The following CEP112 variants were observed in gnomAD, a reference collection of about 807,000 sequenced individuals.
CEP112 encodes centrosomal protein of 112 kDa.
Under a neutral mutation model 153.0 loss-of-function variants are expected in CEP112, and 127 were observed. The observed-to-expected ratio is 0.83, with a 90% CI of 0.72 to 0.96. CEP112 has a LOEUF of 0.96. Ranked by LOEUF, CEP112 falls within the 40% of genes least tolerant of loss-of-function variation. The pLI, the probability that CEP112 is intolerant of heterozygous loss-of-function variation, is 0.00. For missense variants in CEP112, 1,089 were observed against 1,101.2 expected (o/e 0.99, Z 0.16); for synonymous variants, 358 against 374.4 (o/e 0.96, Z 0.51).
rs116950656 is a variant in CEP112 at position 66,009,143 on chromosome 17, T to C, written c.1657-3374A>G. Among the ~76,000 whole-genome samples the C allele has an allele frequency of 2.5e-3, 378 of 152,034 alleles. 2 individuals carry two copies. The highest frequency in any genetic ancestry group is 6.2e-3 in the South Asian group (30 of 4,814). ...TAATGACATTCCCACCAACAGAGTA[T>C]AGACGCTCTCTTTCTTCCACATCCT... On this transcript the variant is annotated intron_variant, in intron 16 of 26. Coordinates refer to ENST00000535342, the MANE Select transcript of CEP112 (RefSeq NM_001199165.4).
chr17:65,733,866 G>A (rs572394866), intron 23 of CEP112, among the ~76,000 whole-genome samples: 2 of 152,274 alleles, frequency 1.3e-5, no homozygotes, highest in South Asian at 4.2e-4. Context: ...GGTCCACAAT[G>A]TTCTATCTGC....
chr17:66,044,478 C>T (rs2066116652), intron 12 of CEP112, among the ~76,000 whole-genome samples: 1 of 152,216 alleles, frequency 6.6e-6, no homozygotes, highest in East Asian at 1.9e-4. Flanking sequence ...AACTGTCCAT[C>T]TGCCAATGAA....
intron 23 of CEP112, among the ~76,000 whole-genome samples, chr17:65,690,623 C>T (rs1330437094): frequency 6.6e-6 from 1 of 151,896 alleles, no homozygotes; most frequent in African/African-American, 2.4e-5. Flanking sequence ...CAAGAAGGCC[C>T]AGCTGGGCGA....
Position 65,902,328 on chromosome 17 carries a change from C to T in CEP112, c.1987G>A (p.Glu663Lys), listed in dbSNP as rs1302923727. ...TCCTGTTCATGCTCCAGCTTCAGCTCTACTATCTGATTGGACAATGAGGAG... is the reference window on the plus strand; with the variant it reads ...TCCTGTTCATGCTCCAGCTTCAGCTTTACTATCTGATTGGACAATGAGGAG... ...IRQRYEQQIV[E>K]LKLEHEQEKT... The change falls in exon 20 of 27, where the codon GAG (glutamate) becomes AAG (lysine). Residue 663 changes from glutamate to lysine, a missense_variant. Transcript: ENST00000535342. The T allele has an allele frequency of 6.2e-7, 1 of 1,612,400 alleles. No homozygotes were observed. The highest frequency in any genetic ancestry group is 8.5e-7 in the Non-Finnish European group (1 of 1,179,428).
At chr17:65,970,760 T>C (rs966495901) in intron 17 of CEP112, among the ~76,000 whole-genome samples, 45 of 151,018 alleles carry the variant, frequency 3.0e-4, no homozygotes, top group African/African-American at 9.9e-4. Flanking sequence ...ACATTACAGG[T>C]ATGTTACATG....
chr17:66,149,868 GTTTTTTT>G (rs1198335741), intron 4 of CEP112, among the ~76,000 whole-genome samples: 2,426 of 78,586 alleles, frequency 0.031, 116 homozygotes, highest in East Asian at 0.042. Flanking sequence ...TAAATTTAGG[GTTTTTTT>G]TTTTGTTTGT....
At chr17:65,941,554 G>A (rs1053577366) in intron 18 of CEP112, 1 of 152,118 alleles carries the variant, frequency 6.6e-6, no homozygotes, top group African/African-American at 2.4e-5. Flanking sequence ...GTTCTCAGTT[G>A]CCATAGATAC....
chr17:65,898,845 A>G (rs555357006), intron 20 of CEP112, among the ~76,000 whole-genome samples: 10 of 152,260 alleles, frequency 6.6e-5, no homozygotes, highest in African/African-American at 2.2e-4. Context: ...GGGGAGAATC[A>G]CAAAGGTTCT....
chr17:65,671,217 T>C lies in CEP112; in HGVS notation c.2697+17912A>G, dbSNP rs1332777398. On this transcript the variant is annotated intron_variant, in intron 24 of 26. Transcript: ENST00000535342. ...CTGGGGGTCAGGAATCTGAAGGTCA[T>C]ACCACAGGGTGACATCACAGAAAAG... 5.9e-5 allele frequency among the ~76,000 whole-genome samples: 9 copies of C among 152,170 alleles called. No individual in the cohort carries two copies. In the East Asian group the frequency reaches 1.5e-3, roughly 26 times the overall value.
intron 6 of CEP112, among the ~76,000 whole-genome samples, chr17:66,108,434 G>C (rs749607705): frequency 2.0e-5 from 3 of 151,948 alleles, no homozygotes; most frequent in Non-Finnish European, 4.4e-5. Context: ...CCAATAATCC[G>C]ACTTGAAAAT....
At chr17:66,078,434 T>G (rs906743946) in intron 8 of CEP112, among the ~76,000 whole-genome samples, 2 of 152,012 alleles carry the variant, frequency 1.3e-5, no homozygotes, top group African/African-American at 4.8e-5. Context: ...ATTTTTGTAT[T>G]TTTAGTAGAG....
intron 3 of CEP112, among the ~76,000 whole-genome samples, chr17:66,176,248 C>T (rs1029620346): frequency 5.9e-5 from 9 of 152,270 alleles, no homozygotes; most frequent in Non-Finnish European, 1.2e-4. Flanking sequence ...TAAGTACAGG[C>T]ACTCAAATAC....
chr17:66,178,149 C>T (rs1165538871), intron 2 of CEP112, among the ~76,000 whole-genome samples: 1 of 152,142 alleles, frequency 6.6e-6, no homozygotes, highest in Non-Finnish European at 1.5e-5. Context: ...AACTCTTCTC[C>T]GTAGTCACTC....
At chr17:65,770,603 C>A (rs934563240) in intron 21 of CEP112, among the ~76,000 whole-genome samples, 3 of 151,908 alleles carry the variant, frequency 2.0e-5, no homozygotes, top group African/African-American at 7.3e-5. Flanking sequence ...TTTATTCTCA[C>A]GTTAAAATTT....
At chr17:65,807,508 C>T (rs2055680099) in intron 21 of CEP112, among the ~76,000 whole-genome samples, 1 of 152,116 alleles carries the variant, frequency 6.6e-6, no homozygotes, top group Non-Finnish European at 1.5e-5. Flanking sequence ...TGTTAAAGAC[C>T]TTTGTGGCAG....
chr17:66,184,706 AC>A (rs2146928380), intron 1 of CEP112, among the ~76,000 whole-genome samples: 1 of 152,304 alleles, frequency 6.6e-6, no homozygotes, highest in Non-Finnish European at 1.5e-5. Context: ...ACAAAAATAA[AC>A]ATACACTCAG....
intron 6 of CEP112, among the ~76,000 whole-genome samples, chr17:66,100,461 C>G (rs1343833504): frequency 7.1e-6 from 1 of 141,484 alleles, no homozygotes; most frequent in Non-Finnish European, 1.5e-5. Flanking sequence ...ACTATAGTAA[C>G]AGCAAGAGAT....
chr17:65,921,824 T>C (rs928093513), intron 19 of CEP112, among the ~76,000 whole-genome samples: 4 of 152,176 alleles, frequency 2.6e-5, no homozygotes, highest in Non-Finnish European at 2.9e-5. Context: ...AAAACTTTGA[T>C]AGATTTTAAA....
chr17:65,816,926 T>C (rs1218652584), intron 21 of CEP112, among the ~76,000 whole-genome samples: 1 of 152,038 alleles, frequency 6.6e-6, no homozygotes, highest in Non-Finnish European at 1.5e-5. Flanking sequence ...AATGCACTTG[T>C]TTATTCATTA....
Sources: allele counts gnomAD v4.1 joint callset (sites outside exome capture counted in the v4.1 genomes callset), GRCh38; gene constraint gnomAD v4.1.1; transcripts MANE v1.5; gene names NCBI Gene and HGNC (gene_info 2026-07-23, HGNC 2026-07-21).